The following ZNF696 variants were observed in gnomAD, a reference collection of about 807,000 sequenced individuals.
The protein encoded by ZNF696 is zinc finger protein 696.
A neutral mutation model predicts 12.3 loss-of-function variants in ZNF696; 10 were observed. The ratio of observed to expected loss-of-function variants is 0.81; its 90% CI spans 0.50 to 1.38. The LOEUF is 1.38. ZNF696 is among the 40% of genes most tolerant of loss of function. ZNF696 has a pLI of 0.00. For missense variants in ZNF696, 675 were observed against 554.7 expected (o/e 1.22, Z -2.18); for synonymous variants, 304 against 243.9 (o/e 1.25, Z -2.29).
In ZNF696 at chr8:143,299,870, G is replaced by C. The variant is rs1375506608; in HGVS notation, c.*3070G>C. On this transcript the variant is annotated 3_prime_UTR_variant, in exon 3 of 3. Transcript: ENST00000330143. Reference sequence around the variant, plus strand: ...AGGCTGAGGTGGGAGGATCACCTGAGCCTGGGAGCTCGAGACTGCAGTGAG... The same window carrying C: ...AGGCTGAGGTGGGAGGATCACCTGACCCTGGGAGCTCGAGACTGCAGTGAG... 6.6e-6 allele frequency among the ~76,000 whole-genome samples: 1 copy of C among 152,194 alleles called. No individual in the cohort carries two copies. The highest frequency in any genetic ancestry group is 2.1e-4 in the South Asian group (1 of 4,826).
At chr8:143,293,587 G>A (rs771530137) in intron 2 of ZNF696, among the ~76,000 whole-genome samples, 1 of 152,238 alleles carries the variant, frequency 6.6e-6, no homozygotes, top group Non-Finnish European at 1.5e-5. Flanking sequence ...GGGAGATGGC[G>A]TGGGCAGTGC....
Position 143,297,420 on chromosome 8 carries a change from C to G in ZNF696, c.*620C>G, listed in dbSNP as rs1168480313. 2.0e-5 allele frequency: 3 copies of G among 152,182 alleles called. No homozygotes were observed. Among genetic ancestry groups the G allele is most frequent in the African/African-American group, 7.2e-5 (3 of 41,430 alleles). 9.4% of individuals were successfully genotyped at this position (152,182 alleles called of 1,614,324 possible). Reference sequence around the variant, plus strand: ...ATCCTAGCACTTTGGGAGGCCGAGGCGGGCGGATCACACGGTCAAGAGATC... The same window carrying G: ...ATCCTAGCACTTTGGGAGGCCGAGGGGGGCGGATCACACGGTCAAGAGATC... On this transcript the variant is annotated 3_prime_UTR_variant, in exon 3 of 3. Transcript: ENST00000330143.
rs560242515 is a variant in ZNF696 at position 143,299,882 on chromosome 8, G to A, written c.*3082G>A. On this transcript the variant is annotated 3_prime_UTR_variant, in exon 3 of 3. Transcript: ENST00000330143. ...GAGGATCACCTGAGCCTGGGAGCTC[G>A]AGACTGCAGTGAGCTGTAGTCATAC... Among the ~76,000 whole-genome samples, 10 of 152,258 alleles carry A rather than the reference G, an allele frequency of 6.6e-5. No homozygotes were observed. The highest frequency in any genetic ancestry group is 4.6e-4 in the Admixed American group (7 of 15,286).
chr8:143,293,088 G>A lies in ZNF696; in HGVS notation c.64+23G>A, dbSNP rs140582008. 2.0e-4 allele frequency: 327 copies of A among 1,596,882 alleles called. 3 individuals carry two copies. The highest frequency in any genetic ancestry group is 1.3e-3 in the South Asian group (122 of 90,468). ...CAGGTGAGGGGACATGTCCACAGTC[G>A]GGCCCAGAGTTCCAGGGCAGGAATT... On this transcript the variant is annotated intron_variant, in intron 2 of 2. Transcript: ENST00000330143.
intron 2 of ZNF696, among the ~76,000 whole-genome samples, chr8:143,295,063 T>C (rs1318447075): frequency 6.6e-6 from 1 of 150,858 alleles, no homozygotes. Context: ...GCCTGGGTGA[T>C]AGAGCAAGAC....
intron 2 of ZNF696, among the ~76,000 whole-genome samples, chr8:143,294,849 G>A (rs1163472674): frequency 6.6e-6 from 1 of 152,092 alleles, no homozygotes; most frequent in African/African-American, 2.4e-5. Flanking sequence ...CAGCACTTTA[G>A]GAGGCTCAGG....
intron 2 of ZNF696, 144 bp downstream of exon 2, chr8:143,293,209 G>A (rs886622327): frequency 1.5e-6 from 1 of 656,308 alleles, no homozygotes; most frequent in Non-Finnish European, 2.7e-6. Context: ...GTAAACGCAG[G>A]CCCATCAGAT....
chr8:143,293,386 C>T (rs1325759260), intron 2 of ZNF696: 4 of 504,264 alleles, frequency 7.9e-6, no homozygotes, highest in Non-Finnish European at 1.4e-5. Context: ...GAGGGGCCAT[C>T]CTGTGTGTTG....
rs770135921 is a variant in ZNF696, at chr8:143,292,017, G to A, written c.-31+250G>A. On this transcript the variant is annotated intron_variant, in intron 1 of 2. Coordinates refer to ENST00000330143, the MANE Select transcript of ZNF696 (RefSeq NM_030895.3). Reference sequence around the variant, plus strand: ...TCCAACGCCCAGCTGGAGTGCAGTGGCGAAATCTCGGTTCACCCCAGCCTA... The same window carrying A: ...TCCAACGCCCAGCTGGAGTGCAGTGACGAAATCTCGGTTCACCCCAGCCTA... The A allele has an allele frequency of 2.1e-4, 33 of 159,210 alleles. 1 individual carries two copies. The highest frequency in any genetic ancestry group is 3.9e-4 in the Non-Finnish European group (29 of 74,534). 9.9% of individuals were successfully genotyped at this position (159,210 alleles called of 1,614,324 possible).
chr8:143,292,964 C>T lies in ZNF696; in HGVS notation c.-30-8C>T. ...GTGATTTATTTTCCTTTTCTTTTAC[C>T]TAAGCAGAAATTGTTCCAACTGCTG... On this transcript the variant is annotated splice_region_variant and splice_polypyrimidine_tract_variant and intron_variant, in intron 1 of 2. Coordinates refer to ENST00000330143, the MANE Select transcript of ZNF696 (RefSeq NM_030895.3). 6.2e-7 allele frequency: 1 copy of T among 1,610,588 alleles called. No individual in the cohort carries two copies. Among genetic ancestry groups the T allele is most frequent in the Non-Finnish European group, 8.5e-7 (1 of 1,178,618 alleles).
rs1208675703 is a variant in ZNF696 at position 143,295,994 on chromosome 8, C to T, written c.319C>T (p.Pro107Ser). 1.3e-6 allele frequency: 2 copies of T among 1,592,034 alleles called. No individual in the cohort carries two copies. Among genetic ancestry groups the T allele is most frequent in the South Asian group, 1.1e-5 (1 of 88,698 alleles). Reference sequence around the variant, plus strand: ...ACAGAGTGGCCTCGAGTCAGACGTCCCTCCGAACGCAGGCCCCGGCGCAGA... The same window carrying T: ...ACAGAGTGGCCTCGAGTCAGACGTCTCTCCGAACGCAGGCCCCGGCGCAGA... ...GGQSGLESDV[P>S]PNAGPGAEGG... Residue 107 changes from proline to serine, a missense_variant, in exon 3 of 3, where the codon CCT becomes TCT. Transcript: ENST00000330143.
rs574390021 is a variant in ZNF696, at chr8:143,299,673, G to A, written c.*2873G>A. Among the ~76,000 whole-genome samples, 3 of 152,164 alleles carry A rather than the reference G, an allele frequency of 2.0e-5. No homozygotes were observed. The highest frequency in any genetic ancestry group is 2.1e-4 in the South Asian group (1 of 4,830). On this transcript the variant is annotated 3_prime_UTR_variant, in exon 3 of 3. Transcript: ENST00000330143. ...CTTCTGTCAATTAAAAAATAAGAAC[G>A]AAATCAGGCTGGGCCTGAGCGCTGT...
In ZNF696 at chr8:143,296,043, G is replaced by T; in HGVS notation, c.368G>T (p.Arg123Leu). The change falls in exon 3 of 3, where the codon CGG becomes CTG. Residue 123 changes from arginine to leucine, a missense_variant. By Grantham distance (102) the Arg-to-Leu change is moderately radical. Coordinates refer to ENST00000330143, the MANE Select transcript of ZNF696 (RefSeq NM_030895.3). ...GAEGGGSWKG[R>L]PFPCGACGRS... ...GAGGGCGGGGGCAGCTGGAAGGGGC[G>T]GCCTTTCCCGTGCGGCGCCTGTGGC... 1 of 1,593,040 alleles carries T rather than the reference G, an allele frequency of 6.3e-7. No individual in the cohort carries two copies. The highest frequency in any genetic ancestry group is 1.1e-5 in the South Asian group (1 of 88,990).
At chr8:143,292,800 C>T (rs1238252726) in intron 1 of ZNF696, among the ~76,000 whole-genome samples, 172 bp from the exon 2 acceptor site, 3 of 152,156 alleles carry the variant, frequency 2.0e-5, no homozygotes, top group Admixed American at 6.5e-5. Flanking sequence ...CTGGGAGTGT[C>T]TGTTGAGCCA....
At position 143,297,161 on chromosome 8, in the gene ZNF696, A is replaced by C. The variant is rs1815736076; in HGVS notation, c.*361A>C. 2.9e-5 allele frequency: 4 copies of C among 138,054 alleles called. No homozygotes were observed. Among genetic ancestry groups the C allele is most frequent in the Non-Finnish European group, 6.1e-5 (4 of 66,078 alleles). The allele number at this position is 138,054 out of a possible 1,614,324, so 8.6% of individuals were successfully genotyped here. On this transcript the variant is annotated 3_prime_UTR_variant, in exon 3 of 3. Coordinates refer to ENST00000330143, the MANE Select transcript of ZNF696 (RefSeq NM_030895.3). Reference sequence around the variant, plus strand: ...CCTCCGCAACCAGGCCTCCATCAAAACCCTGCATGAGATGAGGGCCTCGGG... The same window carrying C: ...CCTCCGCAACCAGGCCTCCATCAAACCCCTGCATGAGATGAGGGCCTCGGG...
chr8:143,295,772 A>G lies in ZNF696; in HGVS notation c.97A>G (p.Ser33Gly). ...GGCTGCTTTCCTGGCGCAGGCCCCGAGTGGCAGCCGGTCAGCCGAGGTGCA... is the reference window on the plus strand; with the variant it reads ...GGCTGCTTTCCTGGCGCAGGCCCCGGGTGGCAGCCGGTCAGCCGAGGTGCA... Reference protein sequence around the residue: ...VKAAFLAQAPSGSRSAEVQAA... With the variant: ...VKAAFLAQAPGGSRSAEVQAA... The change falls in exon 3 of 3, where the codon AGT becomes GGT. Residue 33 changes from serine (S) to glycine (G), a missense_variant. Physicochemically the swap from Ser to Gly is moderately conservative, Grantham distance 56 (BLOSUM62 0). Coordinates refer to ENST00000330143, the MANE Select transcript of ZNF696 (RefSeq NM_030895.3). 1.2e-6 allele frequency: 2 copies of G among 1,603,398 alleles called. No homozygotes were observed. Among genetic ancestry groups the G allele is most frequent in the South Asian group, 2.2e-5 (2 of 89,942 alleles).
In ZNF696 at chr8:143,299,737, T is replaced by G. The variant is rs1188341649; in HGVS notation, c.*2937T>G. 6.6e-6 allele frequency among the ~76,000 whole-genome samples: 1 copy of G among 151,916 alleles called. No homozygotes were observed. Among genetic ancestry groups the G allele is most frequent in the Non-Finnish European group, 1.5e-5 (1 of 67,970 alleles). On this transcript the variant is annotated 3_prime_UTR_variant, in exon 3 of 3. Coordinates refer to ENST00000330143, the MANE Select transcript of ZNF696 (RefSeq NM_030895.3). ...AATCCCAGCACTTTGGAGGCCAAGGTGGGTGGATCGCTTAAGCCCAGGAGT... is the reference window on the plus strand; with the variant it reads ...AATCCCAGCACTTTGGAGGCCAAGGGGGGTGGATCGCTTAAGCCCAGGAGT...
At chr8:143,293,146 G>A in intron 2 of ZNF696, 81 bp downstream of exon 2, 1 of 1,233,256 alleles carries the variant, frequency 8.1e-7, no homozygotes, top group Non-Finnish European at 1.2e-6. Flanking sequence ...CCATGTCTCA[G>A]TCACTGACGC....
intron 1 of ZNF696, 67 bp downstream of exon 1, chr8:143,291,834 G>A: frequency 7.2e-6 from 7 of 977,190 alleles, no homozygotes; most frequent in Non-Finnish European, 8.5e-6. Flanking sequence ...TTTTGTAAAA[G>A]CGGCGGGGTC....
Sources: allele counts gnomAD v4.1 joint callset (sites outside exome capture counted in the v4.1 genomes callset), GRCh38; gene constraint gnomAD v4.1.1; transcripts MANE v1.5; gene names NCBI Gene and HGNC (gene_info 2026-07-23, HGNC 2026-07-21).